ZNF37A: variants seen among roughly 807,000 people sequenced by gnomAD.
ZNF37A encodes the protein zinc finger protein 37A.
ZNF37A carries 10 observed loss-of-function variants against 12.3 expected under a neutral mutation model. That is an observed-to-expected ratio of 0.82 (90% CI 0.50 to 1.38). The LOEUF is 1.38. Ranked by LOEUF, ZNF37A falls within the 40% of genes most tolerant of loss-of-function variation. ZNF37A has a pLI of 0.00. For synonymous variants in ZNF37A, 207 were observed against 223.0 expected (o/e 0.93, Z 0.64); for missense variants, 580 against 651.2 (o/e 0.89, Z 1.19).
downstream of ZNF37A, among the ~76,000 whole-genome samples, chr10:38,129,304 T>TAAAAAAAAA (rs775705417): frequency 4.4e-4 from 25 of 56,894 alleles, no homozygotes; most frequent in South Asian, 1.2e-3. Flanking sequence ...AGACTCTGTC[T>TAAAAAAAAA]AAAAAAAAAA....
chr10:38,105,861 A>G (rs775604236), intron 5 of ZNF37A, among the ~76,000 whole-genome samples: 5 of 152,208 alleles, frequency 3.3e-5, no homozygotes, highest in African/African-American at 1.2e-4. Context: ...GTACTCTGCA[A>G]CTATGCCAAA....
intron 5 of ZNF37A, among the ~76,000 whole-genome samples, chr10:38,106,319 C>T (rs1196836860): frequency 6.6e-6 from 1 of 152,136 alleles, no homozygotes; most frequent in East Asian, 1.9e-4. Context: ...AAAGGACATC[C>T]ATTCAGAAAC....
intron 4 of ZNF37A, 104 bp from the exon 5 acceptor site, chr10:38,096,470 A>G (rs2067161298): frequency 2.8e-6 from 2 of 725,728 alleles, no homozygotes; most frequent in Non-Finnish European, 4.7e-6. Context: ...TGCCAGAGTC[A>G]TGCATGGGCG....
At chr10:38,115,539 A>C (rs2069202177) in intron 7 of ZNF37A, 1 of 328,782 alleles carries the variant, frequency 3.0e-6, no homozygotes, top group Non-Finnish European at 5.5e-6. Flanking sequence ...TTAGCCAGAG[A>C]TTAATAAAAT....
chr10:38,146,308 C>T (rs2070253171), intron 7 of ZNF37A, among the ~76,000 whole-genome samples: 1 of 152,122 alleles, frequency 6.6e-6, no homozygotes, highest in Non-Finnish European at 1.5e-5. Context: ...CGGAGTTTCG[C>T]TCTTGTTGCC....
chr10:38,129,062 T>G (rs374671714), downstream of ZNF37A, among the ~76,000 whole-genome samples: 1 of 152,024 alleles, frequency 6.6e-6, no homozygotes, highest in African/African-American at 2.4e-5. Flanking sequence ...AATGAAATTC[T>G]TTACATAATG....
intron 5 of ZNF37A, among the ~76,000 whole-genome samples, chr10:38,103,529 G>A (rs2505199): frequency 0.7 from 106,746 of 151,946 alleles, 39,177 homozygotes; most frequent in African/African-American, 0.93. Flanking sequence ...AGTAAGACCA[G>A]TATCAAAGGT....
chr10:38,112,788 T>TCTTGTCTTG lies in ZNF37A; in HGVS notation c.16-1967_16-1966insCTTGTCTTG, dbSNP rs1564932518. 1.8e-3 allele frequency among the ~76,000 whole-genome samples: 196 copies of TCTTGTCTTG among 111,406 alleles called. 12 individuals carry two copies. Among genetic ancestry groups the TCTTGTCTTG allele is most frequent in the South Asian group, 6.1e-3 (22 of 3,622 alleles). The allele number at this position is 111,406 out of a possible 152,430, so 73.1% of individuals were successfully genotyped here. A position where few individuals can be genotyped will look rare whatever the true frequency, so the allele number is the denominator to read the frequency against. ...TTCTTTTCTTTTCTTTTCTTTTCTT[T>TCTTGTCTTG]TCTTTTCTTGTCTTGTCTTGTCTTC... is the stretch of plus-strand genomic sequence containing the variant. On this transcript the variant is annotated intron_variant, in intron 5 of 7. Coordinates refer to ENST00000685332, the MANE Select transcript of ZNF37A (RefSeq NM_001324250.3).
exon 8 of ZNF37A, chr10:38,148,169 T>G (rs1326544194): frequency 6.6e-6 from 1 of 152,128 alleles, no homozygotes; most frequent in African/African-American, 2.4e-5. Context: ...GAGACAGGCA[T>G]ATTGGCATCC....
chr10:38,115,128 T>C (rs1379552018), intron 6 of ZNF37A, 67 bp from the exon 7 acceptor site: 1 of 1,394,636 alleles, frequency 7.2e-7, no homozygotes, highest in African/African-American at 1.4e-5. Context: ...CTGTTTGGGG[T>C]ATACTGTCTT....
chr10:38,139,525 G>C (rs1191974894), intron 7 of ZNF37A: 2 of 152,086 alleles, frequency 1.3e-5, no homozygotes, highest in African/African-American at 4.8e-5. Context: ...GTGCCACCAT[G>C]CCCAGCTAAT....
chr10:38,136,916 G>C (rs2070115252), intron 7 of ZNF37A, among the ~76,000 whole-genome samples: 2 of 151,782 alleles, frequency 1.3e-5, no homozygotes, highest in Admixed American at 1.3e-4. Context: ...TTTTTGGCTT[G>C]CTTAAATCTG....
In ZNF37A at chr10:38,117,963, A is replaced by G. The variant is rs765051832; in HGVS notation, c.812A>G (p.Tyr271Cys). Residue 271 changes from tyrosine (Y) to cysteine (C), a missense_variant, in exon 8 of 8, where the codon TAT (tyrosine) becomes TGT (cysteine). Physicochemically the swap from Tyr to Cys is radical, Grantham distance 194. Transcript: ENST00000685332. ...AGAACACATACAGGAGAAAAACCTT[A>G]TGAATGTCATGAATGTGGAAAAACC... ...QQRTHTGEKP[Y>C]ECHECGKTFT... 2 of 1,613,996 alleles carry G rather than the reference A, an allele frequency of 1.2e-6. No homozygotes were observed. The highest frequency in any genetic ancestry group is 8.5e-7 in the Non-Finnish European group (1 of 1,180,012).
intron 5 of ZNF37A, among the ~76,000 whole-genome samples, chr10:38,111,487 A>T (rs535622516): frequency 1.4e-3 from 207 of 152,186 alleles, no homozygotes; most frequent in African/African-American, 3.9e-3. Context: ...ATAATAATAA[A>T]AAAAAAAAAC....
intron 7 of ZNF37A, among the ~76,000 whole-genome samples, chr10:38,135,045 A>G (rs1303520254): frequency 6.6e-6 from 1 of 152,226 alleles, no homozygotes; most frequent in East Asian, 1.9e-4. Context: ...TAGCATCCTA[A>G]AGTTATAACA....
chr10:38,127,368 A>G (rs573437252), downstream of ZNF37A, among the ~76,000 whole-genome samples: 71 of 152,310 alleles, frequency 4.7e-4, no homozygotes, highest in Non-Finnish European at 3.1e-4. Context: ...CACTGATGAC[A>G]AGCACTCAAA....
At chr10:38,128,195 T>A (rs1158045334), downstream of ZNF37A, among the ~76,000 whole-genome samples, 1 of 152,184 alleles carries the variant, frequency 6.6e-6, no homozygotes, top group African/African-American at 2.4e-5. Flanking sequence ...GATTTTAATA[T>A]GCACTGAGCA....
chr10:38,147,654 A>G (rs1400736421), exon 8 of ZNF37A: 1 of 152,200 alleles, frequency 6.6e-6, no homozygotes, highest in East Asian at 1.9e-4. Context: ...CTCTGATACA[A>G]GAAAAAAGAT....
intron 7 of ZNF37A, chr10:38,117,122 C>T (rs997224669): frequency 2.1e-6 from 2 of 961,138 alleles, no homozygotes; most frequent in African/African-American, 3.5e-5. Flanking sequence ...AACACCACCA[C>T]CACCACCACC....
Sources: allele counts gnomAD v4.1 joint callset (sites outside exome capture counted in the v4.1 genomes callset), GRCh38; gene constraint gnomAD v4.1.1; transcripts MANE v1.5; gene names NCBI Gene and HGNC (gene_info 2026-07-23, HGNC 2026-07-21).